Variants in IMPA1 observed in about 807,000 individuals in gnomAD.
The protein encoded by IMPA1 is D-galactose 1-phosphate phosphatase.
IMPA1 carries 21 observed loss-of-function variants against 34.9 expected under a neutral mutation model. The observed-to-expected ratio is 0.60, with a 90% CI of 0.43 to 0.87. The LOEUF (loss-of-function observed/expected upper bound fraction) is 0.87. Among genes scored for constraint, IMPA1 ranks in the 40% least tolerant of loss-of-function variants. IMPA1 has a pLI of 0.00. For missense variants in IMPA1, 299 were observed against 336.4 expected (o/e 0.89, Z 0.87); for synonymous variants, 95 against 104.4 (o/e 0.91, Z 0.55).
At chr8:81,680,912 T>TA in intron 2 of IMPA1, 129 bp from the exon 3 acceptor site, 1 of 695,090 alleles carries the variant, frequency 1.4e-6, no homozygotes. Context: ...AAAAATGTCT[T>TA]ACAAATATAT....
At chr8:81,665,761 C>T (rs997602731) in intron 7 of IMPA1, among the ~76,000 whole-genome samples, 1 of 152,122 alleles carries the variant, frequency 6.6e-6, no homozygotes, top group Admixed American at 6.5e-5. Flanking sequence ...ATTAGATTTG[C>T]ATCAGATTTC....
At chr8:81,681,213 T>A (rs1047978086) in intron 2 of IMPA1, among the ~76,000 whole-genome samples, 1 of 152,062 alleles carries the variant, frequency 6.6e-6, no homozygotes, top group Non-Finnish European at 1.5e-5. Flanking sequence ...GAGACCCTCA[T>A]CTCCACACAA....
rs1249060611 is a variant in IMPA1 at position 81,683,896 on chromosome 8, C to T, written c.-24-2312G>A. On this transcript the variant is annotated intron_variant, in intron 1 of 8. Transcript: ENST00000256108. The stretch of plus-strand genomic sequence containing the variant: ...GGAAACCCAGCAAGGACTGTCCATT[C>T]GGATTCATCTTGGCCTCTCTGTCCA... Among the ~76,000 whole-genome samples the T allele has an allele frequency of 2.6e-5, 4 of 152,244 alleles. No homozygotes were observed. In the East Asian group the frequency reaches 5.8e-4, roughly 22 times the overall value.
intron 1 of IMPA1, among the ~76,000 whole-genome samples, chr8:81,683,242 G>T (rs1807352277): frequency 6.6e-6 from 1 of 152,168 alleles, no homozygotes; most frequent in South Asian, 2.1e-4. Flanking sequence ...CTACAGGGGG[G>T]CCTTAGGGAT....
At chr8:81,660,063 A>G (rs1351344083) in intron 8 of IMPA1, among the ~76,000 whole-genome samples, 1 of 152,222 alleles carries the variant, frequency 6.6e-6, no homozygotes, top group Non-Finnish European at 1.5e-5. Context: ...CACTGGAAGA[A>G]TAAGAATTGT....
intron 7 of IMPA1, among the ~76,000 whole-genome samples, chr8:81,669,282 A>G (rs540499394): frequency 2.0e-5 from 3 of 152,150 alleles, no homozygotes; most frequent in Non-Finnish European, 4.4e-5. Context: ...TGGGCCTCAG[A>G]ACTGTGGAGT....
chr8:81,666,975 C>T (rs1806845991), intron 7 of IMPA1, among the ~76,000 whole-genome samples: 1 of 144,984 alleles, frequency 6.9e-6, no homozygotes, highest in African/African-American at 2.5e-5. Flanking sequence ...GTAAAAATTA[C>T]ACAATGAACT....
intron 6 of IMPA1, 125 bp downstream of exon 6, chr8:81,673,716 A>G: frequency 1.6e-6 from 1 of 616,516 alleles, no homozygotes; most frequent in Admixed American, 2.9e-5. Context: ...CAAAAAGAAT[A>G]AAGAGATAAT....
intron 6 of IMPA1, among the ~76,000 whole-genome samples, chr8:81,673,190 G>A (rs1585896588): frequency 6.6e-6 from 1 of 152,220 alleles, no homozygotes; most frequent in African/African-American, 2.4e-5. Flanking sequence ...CTTCACAGGT[G>A]TGGGAGAGAA....
chr8:81,666,767 G>GGCTGAGGCAGGAGAACTGCTT (rs1806836274), intron 7 of IMPA1, among the ~76,000 whole-genome samples: 1 of 151,416 alleles, frequency 6.6e-6, no homozygotes, highest in East Asian at 2.0e-4. Context: ...CTACTCAGGA[G>GGCTGAGGCAGGAGAACTGCTT]GCTGAGGCAG....
At chr8:81,678,709 A>ATTTT in intron 4 of IMPA1, 1 of 170,024 alleles carries the variant, frequency 5.9e-6, no homozygotes. Context: ...AAAAAACCAT[A>ATTTT]TTTTTACATA....
chr8:81,662,683 A>G (rs960211627), intron 7 of IMPA1, among the ~76,000 whole-genome samples: 1 of 152,226 alleles, frequency 6.6e-6, no homozygotes, highest in Admixed American at 6.5e-5. Flanking sequence ...TAAGGATTCC[A>G]ATTTACTTTA....
intron 7 of IMPA1, among the ~76,000 whole-genome samples, chr8:81,663,588 G>A (rs1342777561): frequency 1.3e-5 from 2 of 152,136 alleles, no homozygotes; most frequent in African/African-American, 4.8e-5. Flanking sequence ...TCTTTGATCA[G>A]TTCTAGGACT....
intron 5 of IMPA1, among the ~76,000 whole-genome samples, chr8:81,675,860 T>C (rs1365792004): frequency 1.3e-5 from 2 of 152,218 alleles, no homozygotes; most frequent in East Asian, 1.9e-4. Flanking sequence ...GGTTTCTAAA[T>C]GTATTTCTTC....
chr8:81,663,913 C>G (rs764691928), intron 7 of IMPA1, among the ~76,000 whole-genome samples: 1 of 152,074 alleles, frequency 6.6e-6, no homozygotes, highest in South Asian at 2.1e-4. Flanking sequence ...GTGGCGGGCA[C>G]CTGTAGTCCC....
At position 81,684,671 on chromosome 8, in the gene IMPA1, A is replaced by G. The variant is rs548227648; in HGVS notation, c.-25+1581T>C. ...ATAAGTATATATACTACACATAAGT[A>G]TATTTAGATACTATGTGGAGTATAA... On this transcript the variant is annotated intron_variant, in intron 1 of 8. Coordinates refer to ENST00000256108, the MANE Select transcript of IMPA1 (RefSeq NM_005536.4). Among the ~76,000 whole-genome samples, 30 of 142,246 alleles carry G rather than the reference A, an allele frequency of 2.1e-4. 1 individual carries two copies. The South Asian group carries it at 2.9e-3, about 14-fold the overall frequency. The allele number at this position is 142,246 out of a possible 152,430, so 93.3% of individuals were successfully genotyped here. A position where few individuals can be genotyped will look rare whatever the true frequency, so the allele number is the denominator to read the frequency against.
In IMPA1 at chr8:81,658,422, T is replaced by TTAC. The variant is rs2088485835; in HGVS notation, c.*928_*929insGTA. On this transcript the variant is annotated 3_prime_UTR_variant, in exon 9 of 9. Transcript: ENST00000256108. ...AGTTCAATATTAACAATACAGTATATTTGCCAGCACAATCAAATCAGTATA... is the reference window on the plus strand; with the variant it reads ...AGTTCAATATTAACAATACAGTATATTACTTGCCAGCACAATCAAATCAGTATA... 1 of 152,238 alleles carries TTAC rather than the reference T, an allele frequency of 6.6e-6. No individual in the cohort carries two copies. The allele number at this position is 152,238 out of a possible 1,614,324, so 9.4% of individuals were successfully genotyped here. A position where few individuals can be genotyped will look rare whatever the true frequency, so the allele number is the denominator to read the frequency against.
intron 7 of IMPA1, among the ~76,000 whole-genome samples, chr8:81,663,508 T>G (rs1585888993): frequency 6.6e-6 from 1 of 152,212 alleles, no homozygotes; most frequent in African/African-American, 2.4e-5. Flanking sequence ...CTGTGCGATC[T>G]CAAGCAGCCA....
intron 7 of IMPA1, among the ~76,000 whole-genome samples, chr8:81,669,749 T>C (rs1000010963): frequency 2.6e-5 from 4 of 151,792 alleles, no homozygotes; most frequent in Middle Eastern, 3.4e-3. Context: ...ATCTGGGGAG[T>C]GTCAGGGGTG....
Sources: allele counts gnomAD v4.1 joint callset (sites outside exome capture counted in the v4.1 genomes callset), GRCh38; gene constraint gnomAD v4.1.1; transcripts MANE v1.5; gene names NCBI Gene and HGNC (gene_info 2026-07-23, HGNC 2026-07-21).